DCC: variants seen among roughly 807,000 people sequenced by gnomAD.
DCC encodes DCC netrin 1 receptor.
In DCC, 58 loss-of-function variants were observed where a neutral mutation model predicts 172.5. That is an observed-to-expected ratio of 0.34 (90% CI 0.27 to 0.42). The LOEUF (loss-of-function observed/expected upper bound fraction) is 0.42. DCC is among the 10% of genes least tolerant of loss of function. The probability of loss-of-function intolerance (pLI) is 1.00; values close to 1 mark genes in which losing one functional copy is unlikely to be tolerated. For missense variants in DCC, 1,740 were observed against 1,791.0 expected, an observed-to-expected ratio of 0.97 and a Z score of 0.51; for synonymous variants, 709 against 644.5, an observed-to-expected ratio of 1.10 and a Z score of -1.52.
At chr18:52,479,922 T>C (rs2029888383) in intron 1 of DCC, among the ~76,000 whole-genome samples, 1 of 152,124 alleles carries the variant, frequency 6.6e-6, no homozygotes, top group African/African-American at 2.4e-5. Flanking sequence ...TTTTGATTGG[T>C]AGCAAACTAT....
chr18:52,570,112 T>C (rs1465167761), intron 1 of DCC, among the ~76,000 whole-genome samples: 3 of 152,200 alleles, frequency 2.0e-5, no homozygotes, highest in Non-Finnish European at 4.4e-5. Context: ...AATTTAATGT[T>C]ATTTATTAAG....
intron 2 of DCC, among the ~76,000 whole-genome samples, chr18:52,821,480 TG>T (rs2038406007): frequency 6.6e-6 from 1 of 152,366 alleles, no homozygotes; most frequent in East Asian, 1.9e-4. Context: ...AAAACTTTTT[TG>T]AAAGAGTGTT....
chr18:52,434,367 C>T (rs1369491469), intron 1 of DCC, among the ~76,000 whole-genome samples: 1 of 152,058 alleles, frequency 6.6e-6, no homozygotes, highest in East Asian at 1.9e-4. Flanking sequence ...CAGGGCAGCC[C>T]CCTGCACCTA....
At chr18:53,050,809 A>G (rs1212374438) in intron 5 of DCC, among the ~76,000 whole-genome samples, 1 of 152,114 alleles carries the variant, frequency 6.6e-6, no homozygotes, top group Non-Finnish European at 1.5e-5. Flanking sequence ...CTCCAGTACT[A>G]TGTTGAATAG....
At chr18:52,508,308 T>C (rs894885868) in intron 1 of DCC, among the ~76,000 whole-genome samples, 6 of 152,132 alleles carry the variant, frequency 3.9e-5, no homozygotes, top group African/African-American at 1.4e-4. Flanking sequence ...GAGTAGAGAA[T>C]CATCTTTATA....
chr18:52,375,815 G>A (rs541694549), intron 1 of DCC, among the ~76,000 whole-genome samples: 54 of 152,304 alleles, frequency 3.5e-4, no homozygotes, highest in African/African-American at 1.3e-3. Context: ...TGGGTTAAGT[G>A]TTTCTGGGAA....
rs374932898 is a variant in DCC, at chr18:52,421,158, T to C, written c.91+80280T>C. On this transcript the variant is annotated intron_variant, in intron 1 of 28. Coordinates refer to ENST00000442544, the MANE Select transcript of DCC (RefSeq NM_005215.4). Reference sequence around the variant, plus strand: ...CAGTTCCTGTGCCTTGAATTTCATGTTCTTATGAGCCCCTGTAACTTTTTA... The same window carrying C: ...CAGTTCCTGTGCCTTGAATTTCATGCTCTTATGAGCCCCTGTAACTTTTTA... 1.5e-4 allele frequency among the ~76,000 whole-genome samples: 23 copies of C among 152,304 alleles called. No individual in the cohort carries two copies. In the East Asian group the frequency reaches 4.3e-3, roughly 28 times the overall value.
At chr18:53,208,258 G>A (rs1290497751) in intron 11 of DCC, among the ~76,000 whole-genome samples, 1 of 151,772 alleles carries the variant, frequency 6.6e-6, no homozygotes, top group Non-Finnish European at 1.5e-5. Context: ...CTGGGCAACA[G>A]AGTAAGACCC....
intron 5 of DCC, among the ~76,000 whole-genome samples, chr18:52,956,428 T>C (rs187351104): frequency 6.6e-6 from 1 of 152,158 alleles, no homozygotes; most frequent in Admixed American, 6.5e-5. Flanking sequence ...CCTGTTCCAT[T>C]GATCTATTTA....
chr18:53,245,343 A>G (rs980259880), intron 12 of DCC, among the ~76,000 whole-genome samples: 1 of 152,192 alleles, frequency 6.6e-6, no homozygotes, highest in African/African-American at 2.4e-5. Context: ...TTAAAAGCAC[A>G]GACTATGAAG....
Position 53,504,254 on chromosome 18 carries a change from C to A in DCC, c.4111+4744C>A, listed in dbSNP as rs114234556. On this transcript the variant is annotated intron_variant, in intron 27 of 28. Transcript: ENST00000442544. ...CTGAGCCACTCGTAGGCTGCCATTG[C>A]GGGTATTCATCAAGAATACCACACG... Among the ~76,000 whole-genome samples, 17 of 152,226 alleles carry A rather than the reference C, an allele frequency of 1.1e-4. 1 individual carries two copies. In the South Asian group the frequency reaches 3.3e-3, roughly 30 times the overall value.
At chr18:53,505,918 G>A (rs1364089959) in intron 27 of DCC, among the ~76,000 whole-genome samples, 1 of 152,104 alleles carries the variant, frequency 6.6e-6, no homozygotes, top group African/African-American at 2.4e-5. Flanking sequence ...AGATTTTGTT[G>A]TTGTTTTGAA....
At chr18:53,491,074 C>T (rs572092596) in intron 26 of DCC, among the ~76,000 whole-genome samples, 1 of 152,204 alleles carries the variant, frequency 6.6e-6, no homozygotes, top group South Asian at 2.1e-4. Context: ...CTATGTAAAG[C>T]CATTTTTACT....
chr18:52,509,080 A>C (rs1441076623), intron 1 of DCC, among the ~76,000 whole-genome samples: 4 of 152,266 alleles, frequency 2.6e-5, no homozygotes, highest in Non-Finnish European at 5.9e-5. Context: ...GAAGAACTTG[A>C]ATATGTAAAC....
intron 27 of DCC, among the ~76,000 whole-genome samples, chr18:53,523,373 A>G (rs933106328): frequency 1.3e-5 from 2 of 152,230 alleles, no homozygotes; most frequent in Non-Finnish European, 2.9e-5. Context: ...TCAAGGATCT[A>G]GAATTAGAAA....
At chr18:53,529,260 T>G (rs139455276) in intron 28 of DCC, among the ~76,000 whole-genome samples, 14 of 152,240 alleles carry the variant, frequency 9.2e-5, no homozygotes, top group Non-Finnish European at 2.1e-4. Flanking sequence ...TGGAGTAGCT[T>G]TGTGCCTACC....
chr18:53,215,891 A>T lies in DCC; in HGVS notation c.1911+294A>T, dbSNP rs149960083. On this transcript the variant is annotated intron_variant, in intron 12 of 28. Coordinates refer to ENST00000442544, the MANE Select transcript of DCC (RefSeq NM_005215.4). ...GGCTATTCCATAAGGAAACAAAGACATCTGCTTCGTCTATATTCACCAGTC... is the reference window on the plus strand; with the variant it reads ...GGCTATTCCATAAGGAAACAAAGACTTCTGCTTCGTCTATATTCACCAGTC... 6.5e-3 allele frequency among the ~76,000 whole-genome samples: 992 copies of T among 152,306 alleles called. 8 individuals carry two copies. The highest frequency in any genetic ancestry group is 0.01 in the Non-Finnish European group (711 of 68,002).
chr18:52,379,245 A>AT (rs1985482910), intron 1 of DCC, among the ~76,000 whole-genome samples: 1 of 144,754 alleles, frequency 6.9e-6, no homozygotes, highest in Non-Finnish European at 1.5e-5. Flanking sequence ...CAAAAGCATA[A>AT]TGTTTTTTTT....
chr18:52,498,340 C>G (rs752286656), intron 1 of DCC, among the ~76,000 whole-genome samples: 2 of 152,096 alleles, frequency 1.3e-5, no homozygotes, highest in Non-Finnish European at 2.9e-5. Context: ...ATGATGGATA[C>G]TGGCCAGGCA....
Sources: allele counts gnomAD v4.1 joint callset (sites outside exome capture counted in the v4.1 genomes callset), GRCh38; gene constraint gnomAD v4.1.1; transcripts MANE v1.5; gene names NCBI Gene and HGNC (gene_info 2026-07-23, HGNC 2026-07-21).